Variants in WDR7 observed in about 807,000 individuals in gnomAD.
The protein encoded by WDR7 is WD repeat domain 7.
WDR7 carries 46 observed loss-of-function variants against 169.4 expected under a neutral mutation model. The observed-to-expected ratio is 0.27, with a 90% CI of 0.21 to 0.35. The LOEUF is 0.35. Ranked by LOEUF, WDR7 falls within the 10% of genes least tolerant of loss-of-function variation. The pLI is 1.00. For missense variants in WDR7, 1,534 were observed against 1,859.3 expected (o/e 0.83, Z 3.22); for synonymous variants, 612 against 666.8 (o/e 0.92, Z 1.27).
At position 56,789,959 on chromosome 18, in the gene WDR7, T is replaced by C. The variant is rs182466862; in HGVS notation, c.3190+8303T>C. Among the ~76,000 whole-genome samples, 3 of 152,364 alleles carry C rather than the reference T, an allele frequency of 2.0e-5. 1 individual carries two copies. Among genetic ancestry groups the C allele is most frequent in the Non-Finnish European group, 4.4e-5 (3 of 68,028 alleles). On this transcript the variant is annotated intron_variant, in intron 19 of 27. Coordinates refer to ENST00000254442, the MANE Select transcript of WDR7 (RefSeq NM_015285.3). Reference sequence around the variant, plus strand: ...TTCAAATGGAAATGCCTGATATACCTTTAGCTGAGATTCTAGTGGCCTTTG... The same window carrying C: ...TTCAAATGGAAATGCCTGATATACCCTTAGCTGAGATTCTAGTGGCCTTTG...
intron 20 of WDR7, among the ~76,000 whole-genome samples, chr18:56,831,133 A>G (rs182343392): frequency 1.3e-5 from 2 of 152,286 alleles, no homozygotes; most frequent in Non-Finnish European, 1.5e-5. Context: ...TTGAACTTCA[A>G]GGAATTAGCT....
At chr18:56,841,503 G>T (rs1264134492) in intron 20 of WDR7, among the ~76,000 whole-genome samples, 2 of 145,850 alleles carry the variant, frequency 1.4e-5, no homozygotes, top group African/African-American at 5.1e-5. Context: ...CCAAGATCAC[G>T]CCACTGCACT....
intron 19 of WDR7, among the ~76,000 whole-genome samples, chr18:56,807,407 T>A (rs2145183520): frequency 1.3e-5 from 2 of 152,288 alleles, no homozygotes; most frequent in Non-Finnish European, 2.9e-5. Flanking sequence ...ATTGGTGTTG[T>A]CAGCTCATAT....
intron 4 of WDR7, 68 bp from the exon 5 acceptor site, chr18:56,682,611 A>G (rs1035083510): frequency 1.8e-5 from 27 of 1,488,712 alleles, no homozygotes; most frequent in Non-Finnish European, 2.5e-5. Context: ...TGATGAATGC[A>G]TATTAATCAA....
intron 21 of WDR7, among the ~76,000 whole-genome samples, chr18:56,900,046 C>T (rs1473890893): frequency 7.0e-6 from 1 of 143,484 alleles, no homozygotes; most frequent in South Asian, 2.2e-4. Context: ...GAATTAAGCT[C>T]ACTGGACACA....
intron 19 of WDR7, among the ~76,000 whole-genome samples, chr18:56,805,245 T>G (rs987869863): frequency 2.0e-5 from 3 of 152,158 alleles, no homozygotes; most frequent in Non-Finnish European, 4.4e-5. Flanking sequence ...CCATTTAATT[T>G]CCAAGTGAAG....
At chr18:56,837,487 G>T (rs1273397886) in intron 20 of WDR7, among the ~76,000 whole-genome samples, 1 of 152,084 alleles carries the variant, frequency 6.6e-6, no homozygotes, top group Non-Finnish European at 1.5e-5. Context: ...CTCTAATTTT[G>T]ATTAGTATAT....
chr18:56,672,186 A>G (rs1426133098), intron 1 of WDR7, among the ~76,000 whole-genome samples: 2 of 152,212 alleles, frequency 1.3e-5, no homozygotes, highest in East Asian at 1.9e-4. Flanking sequence ...AATATGAGGT[A>G]CTGAAGTCAT....
At chr18:56,886,263 G>T (rs2046192052) in intron 21 of WDR7, among the ~76,000 whole-genome samples, 1 of 152,158 alleles carries the variant, frequency 6.6e-6, no homozygotes, top group African/African-American at 2.4e-5. Flanking sequence ...AAACCTATCA[G>T]ATTAACAGCA....
chr18:56,821,649 C>CTT lies in WDR7; in HGVS notation c.3304+5517_3304+5518dup, dbSNP rs34413613. On this transcript the variant is annotated intron_variant, in intron 20 of 27. Transcript: ENST00000254442. ...TCATTATTCCCCCTGCATACCCCTC[C>CTT]TTTTTTTTTTTTTGACATGTGGTCT... 4.7e-3 allele frequency among the ~76,000 whole-genome samples: 673 copies of CTT among 143,072 alleles called. 3 individuals carry two copies. The highest frequency in any genetic ancestry group is 5.9e-3 in the South Asian group (27 of 4,538). 93.9% of individuals were successfully genotyped at this position (143,072 alleles called of 152,430 possible).
chr18:56,881,740 G>T (rs568169408), intron 21 of WDR7, among the ~76,000 whole-genome samples: 1 of 151,864 alleles, frequency 6.6e-6, no homozygotes, highest in African/African-American at 2.4e-5. Flanking sequence ...TGTAGGCCAC[G>T]ATGACTGGGT....
chr18:56,943,444 C>T (rs2047060041), intron 25 of WDR7, among the ~76,000 whole-genome samples: 1 of 151,416 alleles, frequency 6.6e-6, no homozygotes, highest in South Asian at 2.1e-4. Flanking sequence ...CATTCGGTTG[C>T]TGTGGTTGAC....
At chr18:56,686,733 G>C in intron 6 of WDR7, 122 bp from the exon 7 acceptor site, 1 of 808,750 alleles carries the variant, frequency 1.2e-6, no homozygotes, top group Non-Finnish European at 2.0e-6. Flanking sequence ...GCTTACCTGA[G>C]GGGCTAAAAT....
chr18:56,700,352 G>A (rs1463049220), intron 12 of WDR7, among the ~76,000 whole-genome samples: 2 of 148,414 alleles, frequency 1.3e-5, no homozygotes, highest in African/African-American at 2.5e-5. Flanking sequence ...CACCTCCCGG[G>A]TTCAAGTGAT....
At chr18:56,791,898 G>A (rs916458693) in intron 19 of WDR7, among the ~76,000 whole-genome samples, 7 of 152,058 alleles carry the variant, frequency 4.6e-5, no homozygotes, top group Admixed American at 6.6e-5. Context: ...TTCAAAAGAC[G>A]ATTCTTGTAA....
At chr18:56,786,547 C>G (rs1223324853) in intron 19 of WDR7, among the ~76,000 whole-genome samples, 1 of 150,588 alleles carries the variant, frequency 6.6e-6, no homozygotes, top group Non-Finnish European at 1.5e-5. Context: ...AAAAACAAAA[C>G]AAAGAAACAA....
chr18:56,784,129 C>T lies in WDR7; in HGVS notation c.3190+2473C>T, dbSNP rs550471516. 7.9e-5 allele frequency among the ~76,000 whole-genome samples: 12 copies of T among 152,266 alleles called. No homozygotes were observed. In the South Asian group the frequency reaches 2.5e-3, roughly 32 times the overall value. ...ATCACGGCCTGCCTCTGCCCCCAGC[C>T]TTTTGTTTTCTTTCAGAGGAGTAAA... On this transcript the variant is annotated intron_variant, in intron 19 of 27. Coordinates refer to ENST00000254442, the MANE Select transcript of WDR7 (RefSeq NM_015285.3).
chr18:56,655,925 A>G (rs1200661958), intron 1 of WDR7, among the ~76,000 whole-genome samples: 1 of 152,202 alleles, frequency 6.6e-6, no homozygotes, highest in Non-Finnish European at 1.5e-5. Context: ...ATTTATCAAT[A>G]GTTTGTACTT....
chr18:56,717,304 C>G (rs1288153162), intron 12 of WDR7, among the ~76,000 whole-genome samples: 1 of 152,010 alleles, frequency 6.6e-6, no homozygotes, highest in Non-Finnish European at 1.5e-5. Context: ...TTGTCTTGTT[C>G]TAAAAAGGAG....
Sources: allele counts gnomAD v4.1 joint callset (sites outside exome capture counted in the v4.1 genomes callset), GRCh38; gene constraint gnomAD v4.1.1; transcripts MANE v1.5; gene names NCBI Gene and HGNC (gene_info 2026-07-23, HGNC 2026-07-21).